Variants in NDFIP1 observed in about 807,000 individuals in gnomAD.
The protein encoded by NDFIP1 is NEDD4 family-interacting protein 1.
Under a neutral mutation model 28.8 loss-of-function variants are expected in NDFIP1, and 7 were observed. That is an observed-to-expected ratio of 0.24 (90% CI 0.14 to 0.46). NDFIP1 has a LOEUF of 0.46. Ranked by LOEUF, NDFIP1 falls within the 20% of genes least tolerant of loss-of-function variation. The probability of loss-of-function intolerance (pLI) is 0.99; values close to 1 mark genes in which losing one functional copy is unlikely to be tolerated. For missense variants in NDFIP1, 194 were observed against 269.1 expected, an observed-to-expected ratio of 0.72 and a Z score of 1.95; for synonymous variants, 92 against 101.0, an observed-to-expected ratio of 0.91 and a Z score of 0.53.
rs71588628 is a variant in NDFIP1 at position 142,153,612 on chromosome 5, T to G, written c.*1884T>G. ...TTTATGGAAGTTTCTTTGAAGATTT[T>G]TTTTTTTCCATTTCGAATCAGATTA... On this transcript the variant is annotated 3_prime_UTR_variant, in exon 8 of 8. Transcript: ENST00000253814. The G allele has an allele frequency of 0.12, 35,263 of 305,720 alleles. 3,007 individuals are homozygous for G. The highest frequency in any genetic ancestry group is 0.38 in the East Asian group (4,877 of 12,938). 18.9% of individuals were successfully genotyped at this position (305,720 alleles called of 1,614,324 possible).
In NDFIP1 at chr5:142,123,796, C is replaced by T. The variant is rs1261399419; in HGVS notation, c.64-8012C>T. On this transcript the variant is annotated intron_variant, in intron 1 of 7. Coordinates refer to ENST00000253814, the MANE Select transcript of NDFIP1 (RefSeq NM_030571.4). The stretch of plus-strand genomic sequence containing the variant: ...AGTCAGGGAGCCAGGTGTGTAGTCT[C>T]CTTTTCAACTTGTCTTTCTCTAGGG... Among the ~76,000 whole-genome samples, 4 of 152,006 alleles carry T rather than the reference C, an allele frequency of 2.6e-5. No homozygotes were observed. The East Asian group carries it at 7.8e-4, about 29-fold the overall frequency.
chr5:142,114,157 T>G (rs1757041875), intron 1 of NDFIP1, among the ~76,000 whole-genome samples: 1 of 152,236 alleles, frequency 6.6e-6, no homozygotes. Context: ...CTTCACCATT[T>G]TATTTTCCCA....
At position 142,131,607 on chromosome 5, in the gene NDFIP1, T is replaced by C. The variant is rs554693483; in HGVS notation, c.64-201T>C. 3.3e-5 allele frequency among the ~76,000 whole-genome samples: 5 copies of C among 152,356 alleles called. No homozygotes were observed. In the East Asian group the frequency reaches 5.8e-4, roughly 18 times the overall value. Reference sequence around the variant, plus strand: ...AATTTTTGCTGACACAACACTTATATGTACCCATTTTGCCTCTTTGAATAT... The same window carrying C: ...AATTTTTGCTGACACAACACTTATACGTACCCATTTTGCCTCTTTGAATAT... On this transcript the variant is annotated intron_variant, in intron 1 of 7. Transcript: ENST00000253814.
chr5:142,112,422 C>G (rs918741203), intron 1 of NDFIP1, among the ~76,000 whole-genome samples: 2 of 150,968 alleles, frequency 1.3e-5, no homozygotes, highest in East Asian at 3.9e-4. Context: ...ATCTGTAACT[C>G]CAGCTACTTG....
At chr5:142,146,581 A>C (rs1247158056) in intron 7 of NDFIP1, among the ~76,000 whole-genome samples, 1 of 152,194 alleles carries the variant, frequency 6.6e-6, no homozygotes, top group Non-Finnish European at 1.5e-5. Flanking sequence ...TTGACACCCA[A>C]GATATACTGA....
At chr5:142,120,263 T>C (rs1757110512) in intron 1 of NDFIP1, among the ~76,000 whole-genome samples, 1 of 150,958 alleles carries the variant, frequency 6.6e-6, no homozygotes, top group Non-Finnish European at 1.5e-5. Flanking sequence ...GCCCAAACTT[T>C]CTTTCTGTTT....
At chr5:142,135,435 CTTGAAGTGTATTGTTT>C (rs779366303) in intron 3 of NDFIP1, among the ~76,000 whole-genome samples, 3 of 151,922 alleles carry the variant, frequency 2.0e-5, no homozygotes, top group Non-Finnish European at 4.4e-5. Flanking sequence ...GTGAACTATT[CTTGAAGTGTATTGTTT>C]TTGAAGTGTA....
At chr5:142,126,930 A>G (rs754016851) in intron 1 of NDFIP1, among the ~76,000 whole-genome samples, 1 of 152,202 alleles carries the variant, frequency 6.6e-6, no homozygotes, top group Non-Finnish European at 1.5e-5. Flanking sequence ...GATTCATAAA[A>G]ATGTCATATT....
At chr5:142,109,528 C>T (rs899346427) in intron 1 of NDFIP1, among the ~76,000 whole-genome samples, 45 of 152,174 alleles carry the variant, frequency 3.0e-4, no homozygotes, top group Admixed American at 1.4e-3. Context: ...AACCCATCCC[C>T]CTCGCCTCCG....
At chr5:142,109,137 G>A (rs982233870) in intron 1 of NDFIP1, 100 bp downstream of exon 1, 2 of 1,107,006 alleles carry the variant, frequency 1.8e-6, no homozygotes, top group East Asian at 3.4e-5. Context: ...CCAACTCGAC[G>A]CCGGGGCTTG....
chr5:142,131,669 C>T, intron 1 of NDFIP1, 139 bp from the exon 2 acceptor site: 1 of 576,880 alleles, frequency 1.7e-6, no homozygotes, highest in Non-Finnish European at 2.9e-6. Flanking sequence ...GAATACTTTT[C>T]TTAAAGGATT....
chr5:142,110,298 A>G (rs1757000839), intron 1 of NDFIP1, among the ~76,000 whole-genome samples: 1 of 152,244 alleles, frequency 6.6e-6, no homozygotes, highest in South Asian at 2.1e-4. Flanking sequence ...CTTTTTTTCT[A>G]TGACCTTGGG....
intron 1 of NDFIP1, among the ~76,000 whole-genome samples, chr5:142,119,220 C>T (rs1487093555): frequency 6.6e-6 from 1 of 152,182 alleles, no homozygotes; most frequent in Non-Finnish European, 1.5e-5. Context: ...CTATAAACTC[C>T]CACTCCAACA....
chr5:142,129,316 G>T (rs1456945716), intron 1 of NDFIP1, among the ~76,000 whole-genome samples: 4 of 152,118 alleles, frequency 2.6e-5, no homozygotes, highest in Non-Finnish European at 5.9e-5. Context: ...GTGAACCATG[G>T]TCCCAAGAAC....
chr5:142,142,956 T>G (rs1757352137), intron 6 of NDFIP1: 2 of 132,828 alleles, frequency 1.5e-5, no homozygotes, highest in Admixed American at 7.9e-5. Flanking sequence ...TATATATATA[T>G]ATATATATAT....
intron 1 of NDFIP1, among the ~76,000 whole-genome samples, chr5:142,122,157 C>T (rs1757128173): frequency 1.3e-5 from 2 of 152,202 alleles, no homozygotes; most frequent in African/African-American, 4.8e-5. Flanking sequence ...AACAGCATTG[C>T]CAGCACTCCA....
At position 142,137,826 on chromosome 5, in the gene NDFIP1, C is replaced by T; in HGVS notation, c.463C>T (p.Leu155Phe). ...GRYGAISGFG[L>F]SLIKWILIVR... ...GTATGGGGCCATTTCAGGATTTGGT[C>T]TCTCTCTAATTAAATGGATCCTGAT... The change falls in exon 5 of 8, where the codon CTC becomes TTC. Residue 155 changes from leucine to phenylalanine, a missense_variant. Coordinates refer to ENST00000253814, the MANE Select transcript of NDFIP1 (RefSeq NM_030571.4). The T allele has an allele frequency of 6.2e-7, 1 of 1,614,002 alleles. No homozygotes were observed. The highest frequency in any genetic ancestry group is 8.5e-7 in the Non-Finnish European group (1 of 1,179,954).
intron 6 of NDFIP1, chr5:142,144,306 G>A (rs1757366478): frequency 4.2e-6 from 1 of 237,372 alleles, no homozygotes; most frequent in African/African-American, 2.3e-5. Context: ...TAAATGTTTG[G>A]CTCCATCTTA....
At chr5:142,147,705 A>G (rs1041496296) in intron 7 of NDFIP1, among the ~76,000 whole-genome samples, 3 of 152,196 alleles carry the variant, frequency 2.0e-5, no homozygotes, top group Admixed American at 2.0e-4. Context: ...ATTTGATCTT[A>G]TTTCTAACTG....
Sources: allele counts gnomAD v4.1 joint callset (sites outside exome capture counted in the v4.1 genomes callset), GRCh38; gene constraint gnomAD v4.1.1; transcripts MANE v1.5; gene names NCBI Gene and HGNC (gene_info 2026-07-23, HGNC 2026-07-21).